The following CYP46A1 variants were observed in gnomAD, a reference collection of about 807,000 sequenced individuals.
CYP46A1 encodes the protein cytochrome P450 family 46 subfamily A member 1, also known as cholesterol 24-hydroxylase.
CYP46A1 carries 20 observed loss-of-function variants against 63.3 expected under a neutral mutation model. The ratio of observed to expected loss-of-function variants is 0.32; its 90% CI spans 0.22 to 0.46. The LOEUF is 0.46. Among genes scored for constraint, CYP46A1 ranks in the 20% least tolerant of loss-of-function variants. The pLI is 1.00. For synonymous variants in CYP46A1, 268 were observed against 273.6 expected (o/e 0.98, Z 0.20); for missense variants, 445 against 670.8 (o/e 0.66, Z 3.72).
chr14:99,695,466 T>C (rs558713124), intron 3 of CYP46A1: 4 of 438,406 alleles, frequency 9.1e-6, no homozygotes, highest in African/African-American at 6.1e-5. Context: ...TTTGAAGTTC[T>C]GTTATCAGGT....
In CYP46A1 at chr14:99,721,940, C is replaced by T; in HGVS notation, c.1066-16C>T. 1 of 1,604,746 alleles carries T rather than the reference C, an allele frequency of 6.2e-7. No homozygotes were observed. Among genetic ancestry groups the T allele is most frequent in the Non-Finnish European group, 8.5e-7 (1 of 1,172,260 alleles). ...CTCCCGACTCTCCTTGTTATCTCCC[C>T]TTGTGGCTTCTCTAGGTCCTCAAAG... On this transcript the variant is annotated splice_polypyrimidine_tract_variant and intron_variant, in intron 11 of 14. Transcript: ENST00000261835.
rs1220774859 is a variant in CYP46A1 at position 99,722,637 on chromosome 14, C to T, written c.1176+571C>T. 1.1e-5 allele frequency among the ~76,000 whole-genome samples: 1 copy of T among 92,474 alleles called. No homozygotes were observed. The highest frequency in any genetic ancestry group is 2.6e-5 in the Non-Finnish European group (1 of 38,886). 60.7% of individuals were successfully genotyped at this position (92,474 alleles called of 152,430 possible). A position where few individuals can be genotyped will look rare whatever the true frequency, so the allele number is the denominator to read the frequency against. ...ATCACTAATCTGAATTGTGTGTTTG[C>T]CATTCCCGTGTGTGTGTGTGTGTGT... On this transcript the variant is annotated intron_variant, in intron 12 of 14. Coordinates refer to ENST00000261835, the MANE Select transcript of CYP46A1 (RefSeq NM_006668.2). The surrounding 1 kb of genome is among the most constrained non-coding windows in gnomAD (Gnocchi z 4.6).
At chr14:99,688,398 T>C (rs1172876090) in intron 1 of CYP46A1, among the ~76,000 whole-genome samples, 6 of 152,144 alleles carry the variant, frequency 3.9e-5, no homozygotes, top group African/African-American at 1.4e-4. Context: ...TCTCAGCTTT[T>C]ATTCTTGCCT....
chr14:99,723,410 G>A (rs2056867330), intron 12 of CYP46A1, among the ~76,000 whole-genome samples: 1 of 152,224 alleles, frequency 6.6e-6, no homozygotes, highest in Admixed American at 6.5e-5. Context: ...CCGGGTTCAA[G>A]CGATTCTCGT....
At chr14:99,690,274 G>A (rs569005703) in intron 1 of CYP46A1, among the ~76,000 whole-genome samples, 10 of 152,282 alleles carry the variant, frequency 6.6e-5, no homozygotes, top group South Asian at 6.2e-4. Context: ...CAAGCTTAGC[G>A]TTCCAATAAT....
At position 99,707,565 on chromosome 14, in the gene CYP46A1, C is replaced by A. The variant is rs757013698; in HGVS notation, c.583-3C>A. On this transcript the variant is annotated splice_region_variant and splice_polypyrimidine_tract_variant and intron_variant, in intron 6 of 14. Coordinates refer to ENST00000261835, the MANE Select transcript of CYP46A1 (RefSeq NM_006668.2). Reference sequence around the variant, plus strand: ...GATGACCTTGCCCTTCTCTCTCCCCCAGGCAGCTTTTGGGATGGAGACCAG... The same window carrying A: ...GATGACCTTGCCCTTCTCTCTCCCCAAGGCAGCTTTTGGGATGGAGACCAG... 4 of 1,613,782 alleles carry A rather than the reference C, an allele frequency of 2.5e-6. No homozygotes were observed. The Admixed American group carries it at 6.7e-5, about 27-fold the overall frequency.
At chr14:99,700,687 T>C (rs144369751) in intron 5 of CYP46A1, among the ~76,000 whole-genome samples, 1 of 152,370 alleles carries the variant, frequency 6.6e-6, no homozygotes, top group East Asian at 1.9e-4. Flanking sequence ...TTATGGACAG[T>C]ACGTAATATT....
chr14:99,706,393 A>G, intron 5 of CYP46A1: 1 of 448,630 alleles, frequency 2.2e-6, no homozygotes, highest in South Asian at 2.7e-5. Context: ...CCAACAGAGT[A>G]CCTGTGGAAC....
rs535178932 is a variant in CYP46A1 at position 99,715,093 on chromosome 14, G to A, written c.694-717G>A. 5.3e-5 allele frequency among the ~76,000 whole-genome samples: 8 copies of A among 152,328 alleles called. 1 individual carries two copies. Among genetic ancestry groups the A allele is most frequent in the African/African-American group, 1.9e-4 (8 of 41,576 alleles). On this transcript the variant is annotated intron_variant, in intron 7 of 14. Coordinates refer to ENST00000261835, the MANE Select transcript of CYP46A1 (RefSeq NM_006668.2). The stretch of plus-strand genomic sequence containing the variant: ...AGTTTTAGTGTCAGTAGCACAGTGT[G>A]TGACTATAGCTAACAGCAAGGTATT...
At chr14:99,688,662 C>G (rs532752282) in intron 1 of CYP46A1, among the ~76,000 whole-genome samples, 1 of 152,180 alleles carries the variant, frequency 6.6e-6, no homozygotes, top group African/African-American at 2.4e-5. Flanking sequence ...TGGAACAAAA[C>G]CTTTCCCTTC....
rs894587584 is a variant in CYP46A1 at position 99,726,899 on chromosome 14, C to G, written c.*172C>G. 2.0e-6 allele frequency: 1 copy of G among 508,772 alleles called. No individual in the cohort carries two copies. Among genetic ancestry groups the G allele is most frequent in the African/African-American group, 2.0e-5 (1 of 50,136 alleles). 31.5% of individuals were successfully genotyped at this position (508,772 alleles called of 1,614,324 possible). On this transcript the variant is annotated 3_prime_UTR_variant, in exon 15 of 15. Coordinates refer to ENST00000261835, the MANE Select transcript of CYP46A1 (RefSeq NM_006668.2). The stretch of plus-strand genomic sequence containing the variant: ...CTTCACACCCCTCAGCGCTCCCTGT[C>G]GCCTGCGGACTCCATGGCCCTTCCT...
chr14:99,721,463 G>A (rs984350955), intron 11 of CYP46A1, 140 bp downstream of exon 11: 25 of 668,844 alleles, frequency 3.7e-5, no homozygotes, highest in Non-Finnish European at 6.2e-5. Flanking sequence ...AAAGTATCCT[G>A]AGGCCCAGGC....
intron 3 of CYP46A1, among the ~76,000 whole-genome samples, 184 bp from the exon 4 acceptor site, chr14:99,699,282 T>C (rs1266840081): frequency 6.6e-6 from 1 of 152,120 alleles, no homozygotes; most frequent in Non-Finnish European, 1.5e-5. Flanking sequence ...TGCTGCATTT[T>C]CCCCATCCCC....
In CYP46A1 at chr14:99,695,660, C is replaced by T. The variant is rs2056581729; in HGVS notation, c.282+3799C>T. Among the ~76,000 whole-genome samples, 5 of 138,760 alleles carry T rather than the reference C, an allele frequency of 3.6e-5. No homozygotes were observed. The South Asian group carries it at 7.3e-4, about 20-fold the overall frequency. The allele number at this position is 138,760 out of a possible 152,430, so 91.0% of individuals were successfully genotyped here. A position where few individuals can be genotyped will look rare whatever the true frequency, so the allele number is the denominator to read the frequency against. ...TTATTATTATTTTGAGAAGCAGTTT[C>T]GCTCTTGTTGCCCAAGCTAGAGTGC... On this transcript the variant is annotated intron_variant, in intron 3 of 14. Coordinates refer to ENST00000261835, the MANE Select transcript of CYP46A1 (RefSeq NM_006668.2).
At chr14:99,703,851 T>C in intron 5 of CYP46A1, 3 of 985,358 alleles carry the variant, frequency 3.0e-6, no homozygotes, top group Non-Finnish European at 3.6e-6. Context: ...TGAATTGGAA[T>C]AGTCTCAGTC....
chr14:99,722,119 G>C lies in CYP46A1; in HGVS notation c.1176+53G>C, dbSNP rs1482410617. On this transcript the variant is annotated intron_variant, in intron 12 of 14. Coordinates refer to ENST00000261835, the MANE Select transcript of CYP46A1 (RefSeq NM_006668.2). This position sits in a 1 kb window ranked among gnomAD's most constrained non-coding sequence, Gnocchi z 4.6. ...GTGGGCTGGGCTGCTTGCCCCAATG[G>C]TGGTGAATTTGGGACTCACCAGGGG... 2 of 1,426,850 alleles carry C rather than the reference G, an allele frequency of 1.4e-6. No homozygotes were observed. Among genetic ancestry groups the C allele is most frequent in the Middle Eastern group, 1.9e-4 (1 of 5,234 alleles). 88.4% of individuals were successfully genotyped at this position (1,426,850 alleles called of 1,614,324 possible). A position where few individuals can be genotyped will look rare whatever the true frequency, so the allele number is the denominator to read the frequency against.
intron 14 of CYP46A1, 92 bp from the exon 15 acceptor site, chr14:99,726,462 CAGG>C (rs1203434665): frequency 2.3e-6 from 3 of 1,329,114 alleles, no homozygotes; most frequent in Non-Finnish European, 2.0e-6. Context: ...ACAGGCTCTC[CAGG>C]AGGAGAGCCG....
intron 7 of CYP46A1, chr14:99,707,919 G>A (rs904821399): frequency 2.0e-6 from 1 of 489,506 alleles, no homozygotes; most frequent in Non-Finnish European, 3.7e-6. Flanking sequence ...CCCAAAGCAG[G>A]CAATGTAGGA....
At position 99,711,964 on chromosome 14, in the gene CYP46A1, T is replaced by A. The variant is rs146897657; in HGVS notation, c.694-3846T>A. ...GATTAAGTGGGATTTATCCCAGGGA[T>A]GCAAGGGTGCTTCAACATACACAAG... On this transcript the variant is annotated intron_variant, in intron 7 of 14. Coordinates refer to ENST00000261835, the MANE Select transcript of CYP46A1 (RefSeq NM_006668.2). 449 of 152,306 alleles carry A rather than the reference T, an allele frequency of 2.9e-3. 3 individuals are homozygous for A. The highest frequency in any genetic ancestry group is 0.01 in the African/African-American group (432 of 41,576). The allele number at this position is 152,306 out of a possible 1,614,324, so 9.4% of individuals were successfully genotyped here. A position where few individuals can be genotyped will look rare whatever the true frequency, so the allele number is the denominator to read the frequency against.
Sources: gnomAD v4.1 joint callset for allele counts (sites outside exome capture counted in the v4.1 genomes callset) on GRCh38, gnomAD v4.1.1 for gene constraint, Gnocchi (gnomAD v3.1) non-coding constraint, MANE v1.5 for transcripts, NCBI Gene and HGNC (gene_info 2026-07-23, HGNC 2026-07-21) for gene names.